Variants in NEK11 observed in about 807,000 individuals in gnomAD.
NEK11 encodes the protein NIMA related kinase 11.
NEK11 carries 72 observed loss-of-function variants against 80.7 expected under a neutral mutation model. The observed-to-expected ratio is 0.89, with a 90% confidence interval of 0.74 to 1.08. The LOEUF is 1.08. Among genes scored for constraint, NEK11 ranks in the 50% least tolerant of loss-of-function variants. The probability of loss-of-function intolerance (pLI) is 0.00; values close to 1 mark genes in which losing one functional copy is unlikely to be tolerated. For missense variants in NEK11, 764 were observed against 763.6 expected, an observed-to-expected ratio of 1.00 and a Z score of -0.01; for synonymous variants, 251 against 260.7, an observed-to-expected ratio of 0.96 and a Z score of 0.36.
At chr3:131,044,443 A>AAAAAAG (rs71627025) in intron 3 of NEK11, among the ~76,000 whole-genome samples, 2 of 83,608 alleles carry the variant, frequency 2.4e-5, no homozygotes, top group African/African-American at 4.3e-5. Context: ...AAAAAAAAAA[A>AAAAAAG]GGTGGGGGGG....
chr3:131,220,886 A>T (rs1046273863), intron 14 of NEK11, among the ~76,000 whole-genome samples: 3 of 152,146 alleles, frequency 2.0e-5, no homozygotes, highest in African/African-American at 7.2e-5. Flanking sequence ...GGCCTGCAGG[A>T]TGTAACTGGA....
chr3:131,276,598 T>C (rs1239164328), intron 17 of NEK11, among the ~76,000 whole-genome samples: 7 of 152,028 alleles, frequency 4.6e-5, no homozygotes, highest in Admixed American at 1.3e-4. Flanking sequence ...AATTTTTCTT[T>C]ATATCTATCT....
intron 5 of NEK11, among the ~76,000 whole-genome samples, chr3:131,126,959 C>CTTTTTTTTTTTTTTTTT (rs71133688): frequency 3.3e-5 from 3 of 90,118 alleles, no homozygotes; most frequent in African/African-American, 1.4e-4. Flanking sequence ...TTCTTTCTTT[C>CTTTTTTTTTTTTTTTTT]TTTTTTTTTT....
intron 5 of NEK11, among the ~76,000 whole-genome samples, chr3:131,123,739 C>T (rs1333095512): frequency 6.6e-6 from 1 of 152,014 alleles, no homozygotes; most frequent in Non-Finnish European, 1.5e-5. Context: ...TCCAAAGTTA[C>T]AGCACCAAGT....
intron 16 of NEK11, among the ~76,000 whole-genome samples, chr3:131,245,159 T>C (rs750108719): frequency 2.0e-5 from 3 of 152,140 alleles, no homozygotes; most frequent in Non-Finnish European, 2.9e-5. Flanking sequence ...ACACATTATT[T>C]AGCTCCCACT....
At chr3:131,097,295 C>T (rs1213404659) in intron 4 of NEK11, among the ~76,000 whole-genome samples, 3 of 151,828 alleles carry the variant, frequency 2.0e-5, no homozygotes, top group African/African-American at 7.3e-5. Flanking sequence ...TTCTAGATCC[C>T]TGAGGAATCA....
chr3:131,257,969 T>A (rs963753599), intron 16 of NEK11, among the ~76,000 whole-genome samples: 4 of 152,092 alleles, frequency 2.6e-5, no homozygotes, highest in African/African-American at 9.7e-5. Context: ...ATATACACCA[T>A]GGAACACTAC....
intron 14 of NEK11, among the ~76,000 whole-genome samples, chr3:131,224,884 T>C (rs566698242): frequency 6.6e-6 from 1 of 152,362 alleles, no homozygotes; most frequent in South Asian, 2.1e-4. Context: ...TTCGTACAGC[T>C]GTACAATGTG....
chr3:131,336,340 C>G (rs1424367754), intron 17 of NEK11, among the ~76,000 whole-genome samples: 1 of 152,186 alleles, frequency 6.6e-6, no homozygotes, highest in Non-Finnish European at 1.5e-5. Flanking sequence ...TGATCTTTGA[C>G]AAACCTGAGA....
chr3:131,149,891 T>A (rs544648355), intron 7 of NEK11, among the ~76,000 whole-genome samples: 8 of 152,118 alleles, frequency 5.3e-5, no homozygotes, highest in African/African-American at 1.7e-4. Flanking sequence ...TTTGGTGTGA[T>A]TTGCTGTTTT....
intron 14 of NEK11, among the ~76,000 whole-genome samples, chr3:131,191,379 G>GT (rs2093788463): frequency 6.6e-6 from 1 of 152,088 alleles, no homozygotes; most frequent in Non-Finnish European, 1.5e-5. Flanking sequence ...TGCATTCCTG[G>GT]TTTGTGCCCT....
intron 3 of NEK11, among the ~76,000 whole-genome samples, chr3:131,078,147 T>C (rs532216768): frequency 2.6e-5 from 4 of 152,294 alleles, no homozygotes; most frequent in African/African-American, 9.6e-5. Flanking sequence ...CTGCTGTTGG[T>C]TGTCTTTTGG....
intron 10 of NEK11, among the ~76,000 whole-genome samples, chr3:131,159,281 GA>G (rs1420133969): frequency 6.6e-6 from 1 of 152,206 alleles, no homozygotes; most frequent in African/African-American, 2.4e-5. Flanking sequence ...TTCTGAGACA[GA>G]CTGAGAAGGC....
intron 10 of NEK11, among the ~76,000 whole-genome samples, chr3:131,160,493 C>CT (rs1485019239): frequency 6.6e-6 from 1 of 152,164 alleles, no homozygotes; most frequent in Admixed American, 6.5e-5. Flanking sequence ...TACACAGACT[C>CT]TAAGTGACAC....
At position 131,101,502 on chromosome 3, in the gene NEK11, G is replaced by A. The variant is rs895516960; in HGVS notation, c.337-8301G>A. Among the ~76,000 whole-genome samples, 4 of 152,280 alleles carry A rather than the reference G, an allele frequency of 2.6e-5. No individual in the cohort carries two copies. In the East Asian group the frequency reaches 5.8e-4, roughly 22 times the overall value. ...TGTTGTTAACCCAGAAGTTATTCAG[G>A]AGCAAGTTGTTTAATTTCCATGTAA... On this transcript the variant is annotated intron_variant, in intron 4 of 17. Coordinates refer to ENST00000383366, the MANE Select transcript of NEK11 (RefSeq NM_024800.5).
intron 17 of NEK11, among the ~76,000 whole-genome samples, chr3:131,331,823 G>C (rs563566331): frequency 1.3e-5 from 2 of 152,352 alleles, no homozygotes; most frequent in East Asian, 1.9e-4. Context: ...TCCCACAACT[G>C]GCTCGGAGGG....
At chr3:131,241,482 T>C (rs867388410) in intron 15 of NEK11, among the ~76,000 whole-genome samples, 2 of 152,090 alleles carry the variant, frequency 1.3e-5, no homozygotes, top group South Asian at 2.1e-4. Flanking sequence ...CTGAACAATA[T>C]TGTACATTTT....
At chr3:131,196,000 T>C (rs1560905250) in intron 14 of NEK11, among the ~76,000 whole-genome samples, 1 of 151,376 alleles carries the variant, frequency 6.6e-6, no homozygotes, top group African/African-American at 2.4e-5. Context: ...TTGGTGACTA[T>C]TATATGTGAT....
intron 5 of NEK11, among the ~76,000 whole-genome samples, chr3:131,125,223 G>A (rs998985093): frequency 1.3e-5 from 2 of 152,112 alleles, no homozygotes; most frequent in Non-Finnish European, 2.9e-5. Flanking sequence ...GTCCTATAAA[G>A]TAAACTATAT....
Sources: gnomAD v4.1 joint callset for allele counts (sites outside exome capture counted in the v4.1 genomes callset) on GRCh38, gnomAD v4.1.1 for gene constraint, MANE v1.5 for transcripts, NCBI Gene and HGNC (gene_info 2026-07-23, HGNC 2026-07-21) for gene names.